Variants in RBFOX1 observed in about 807,000 individuals in gnomAD.
RBFOX1 encodes the protein RNA binding protein fox-1 homolog 1.
In RBFOX1, 8 loss-of-function variants were observed where a neutral mutation model predicts 57.7. The observed-to-expected ratio is 0.14, with a 90% CI of 0.08 to 0.25. The LOEUF (loss-of-function observed/expected upper bound fraction) is 0.25. Ranked by LOEUF, RBFOX1 falls within the 10% of genes least tolerant of loss-of-function variation. RBFOX1 has a pLI of 1.00. For missense variants in RBFOX1, 611 were observed against 548.5 expected (o/e 1.11, Z -1.14); for synonymous variants, 326 against 222.4 (o/e 1.47, Z -4.15).
chr16:5,516,654 A>T (rs1405742801), intron 2 of RBFOX1, among the ~76,000 whole-genome samples: 1 of 152,202 alleles, frequency 6.6e-6, no homozygotes, highest in Non-Finnish European at 1.5e-5. Context: ...ATCTTGAGTT[A>T]TAGTTTCCAT....
intron 3 of RBFOX1, among the ~76,000 whole-genome samples, chr16:6,959,418 G>A (rs1043248683): frequency 2.0e-5 from 3 of 152,082 alleles, no homozygotes; most frequent in African/African-American, 7.2e-5. Context: ...TGTACTTCAC[G>A]CTTATCACAG....
chr16:6,560,174 CAAAAAA>C (rs5815323), intron 2 of RBFOX1, among the ~76,000 whole-genome samples: 3,224 of 121,474 alleles, frequency 0.027, 112 homozygotes, highest in African/African-American at 0.09. Flanking sequence ...TGCCATTTAT[CAAAAAA>C]AAAAAAAAAA....
In RBFOX1 at chr16:7,029,071, TATATATATATACACACACAC is replaced by T. The variant is rs1192044454; in HGVS notation, c.-15-22984_-15-22965del. Among the ~76,000 whole-genome samples the T allele has an allele frequency of 5.5e-4, 14 of 25,540 alleles. 1 individual carries two copies. Among genetic ancestry groups the T allele is most frequent in the African/African-American group, 2.6e-3 (13 of 4,998 alleles). 16.8% of individuals were successfully genotyped at this position (25,540 alleles called of 152,430 possible). On this transcript the variant is annotated intron_variant, in intron 3 of 15. Transcript: ENST00000550418. ...CTATATATATATATATATATATATATATATATATATACACACACACACACACACACACACACACACACACA... is the reference window on the plus strand; with the variant it reads ...CTATATATATATATATATATATATATACACACACACACACACACACACACA...
intron 4 of RBFOX1, among the ~76,000 whole-genome samples, chr16:7,260,363 C>T (rs1447072768): frequency 1.3e-5 from 2 of 152,170 alleles, no homozygotes; most frequent in Non-Finnish European, 2.9e-5. Flanking sequence ...TTAAACGCCG[C>T]TCTTAAAAAT....
intron 4 of RBFOX1, among the ~76,000 whole-genome samples, chr16:5,952,779 C>T (rs904998359): frequency 2.0e-5 from 3 of 152,144 alleles, no homozygotes; most frequent in Admixed American, 2.0e-4. Context: ...GTCTTGTGCA[C>T]ACCTGGGAGA....
At chr16:6,424,959 C>A (rs2093882879) in intron 2 of RBFOX1, among the ~76,000 whole-genome samples, 1 of 151,990 alleles carries the variant, frequency 6.6e-6, no homozygotes, top group Non-Finnish European at 1.5e-5. Flanking sequence ...AGTCGACATA[C>A]CAAACAGAAT....
At chr16:5,584,484 T>C (rs2046768673) in intron 2 of RBFOX1, among the ~76,000 whole-genome samples, 1 of 152,202 alleles carries the variant, frequency 6.6e-6, no homozygotes, top group Admixed American at 6.5e-5. Flanking sequence ...CATTGCCCAC[T>C]TGCAAATGGA....
intron 2 of RBFOX1, among the ~76,000 whole-genome samples, chr16:6,327,895 A>G (rs1025399053): frequency 3.9e-5 from 6 of 152,182 alleles, no homozygotes; most frequent in East Asian, 1.9e-4. Context: ...AAATTCATGT[A>G]TAAGAACTTT....
intron 3 of RBFOX1, among the ~76,000 whole-genome samples, chr16:6,797,102 A>T (rs972278204): frequency 1.3e-5 from 2 of 152,140 alleles, no homozygotes; most frequent in African/African-American, 4.8e-5. Context: ...CGATCCTCCC[A>T]CAGGTAGAAG....
chr16:6,272,729 A>T (rs557355728), intron 1 of RBFOX1, among the ~76,000 whole-genome samples: 2 of 152,340 alleles, frequency 1.3e-5, no homozygotes, highest in African/African-American at 4.8e-5. Context: ...TGGCAGATGG[A>T]TAGACACATA....
At chr16:5,503,021 C>T (rs1451399923) in intron 2 of RBFOX1, among the ~76,000 whole-genome samples, 2 of 152,208 alleles carry the variant, frequency 1.3e-5, no homozygotes, top group Non-Finnish European at 2.9e-5. Flanking sequence ...CCTCTTTCTT[C>T]CCTGGGGCTT....
intron 3 of RBFOX1, among the ~76,000 whole-genome samples, chr16:6,679,214 T>A (rs2058239528): frequency 6.6e-6 from 1 of 152,050 alleles, no homozygotes. Flanking sequence ...TGGTTTTCAG[T>A]TTTGACGATG....
At chr16:7,291,980 T>C (rs1389649679) in intron 4 of RBFOX1, among the ~76,000 whole-genome samples, 3 of 75,210 alleles carry the variant, frequency 4.0e-5, no homozygotes, top group Non-Finnish European at 6.9e-5. Flanking sequence ...TTATATATAA[T>C]ATAGAATATA....
At chr16:5,543,178 C>G (rs545594033) in intron 2 of RBFOX1, among the ~76,000 whole-genome samples, 17 of 152,154 alleles carry the variant, frequency 1.1e-4, no homozygotes, top group African/African-American at 2.6e-4. Flanking sequence ...TATTAGAATG[C>G]CATAATATCA....
intron 3 of RBFOX1, among the ~76,000 whole-genome samples, chr16:6,670,790 G>C (rs868686676): frequency 2.8e-4 from 42 of 152,214 alleles, no homozygotes; most frequent in South Asian, 6.2e-4. Context: ...AAGGTCAGGA[G>C]ATCGAGACCA....
At chr16:6,156,160 C>G (rs1310906935) in intron 1 of RBFOX1, among the ~76,000 whole-genome samples, 1 of 152,150 alleles carries the variant, frequency 6.6e-6, no homozygotes. Flanking sequence ...TTTTAAGAAT[C>G]AGTGTCCCTT....
chr16:5,255,565 C>T (rs1341723797), intron 1 of RBFOX1, among the ~76,000 whole-genome samples: 12 of 151,930 alleles, frequency 7.9e-5, no homozygotes, highest in South Asian at 2.1e-4. Context: ...TCCACCCACC[C>T]GTCCATCCAT....
At chr16:6,760,121 A>C (rs980996922) in intron 3 of RBFOX1, among the ~76,000 whole-genome samples, 1 of 152,182 alleles carries the variant, frequency 6.6e-6, no homozygotes, top group African/African-American at 2.4e-5. Flanking sequence ...AGGAAGGTAG[A>C]AATATGTTTT....
intron 3 of RBFOX1, among the ~76,000 whole-genome samples, chr16:6,744,671 A>C (rs1243607727): frequency 6.6e-6 from 1 of 152,104 alleles, no homozygotes; most frequent in Non-Finnish European, 1.5e-5. Flanking sequence ...GACATATCAG[A>C]TTTTGCGTAG....
Sources: gnomAD v4.1 joint callset for allele counts (sites outside exome capture counted in the v4.1 genomes callset) on GRCh38, gnomAD v4.1.1 for gene constraint, MANE v1.5 for transcripts, NCBI Gene and HGNC (gene_info 2026-07-23, HGNC 2026-07-21) for gene names.